The following CAMSAP1 variants were observed in gnomAD, a reference collection of about 807,000 sequenced individuals.
CAMSAP1 encodes the protein calmodulin-regulated spectrin-associated protein 1.
In CAMSAP1, 58 loss-of-function variants were observed where a neutral mutation model predicts 143.5. The ratio of observed to expected loss-of-function variants is 0.40; its 90% CI spans 0.33 to 0.50. The LOEUF (loss-of-function observed/expected upper bound fraction) is 0.50. Among genes scored for constraint, CAMSAP1 ranks in the 20% least tolerant of loss-of-function variants. The pLI, the probability that CAMSAP1 is intolerant of heterozygous loss-of-function variation, is 0.45. For missense variants in CAMSAP1, 1,969 were observed against 2,115.7 expected, an observed-to-expected ratio of 0.93 and a Z score of 1.36; for synonymous variants, 945 against 859.3, an observed-to-expected ratio of 1.10 and a Z score of -1.74.
Position 135,830,080 on chromosome 9 carries a change from AAAG to A in CAMSAP1, c.1046-2499_1046-2497del, listed in dbSNP as rs368591921. Among the ~76,000 whole-genome samples the A allele has an allele frequency of 2.2e-4, 33 of 152,260 alleles. No homozygotes were observed. In the Middle Eastern group the frequency reaches 0.01, roughly 47 times the overall value. On this transcript the variant is annotated intron_variant, in intron 7 of 16. Transcript: ENST00000389532. ...ACTACTGAAGTTACACAAAAGAAAA[AAAG>A]AAGGGAAAGCAAAAACCATTAACAC...
intron 11 of CAMSAP1, among the ~76,000 whole-genome samples, chr9:135,819,394 G>T (rs1025144730): frequency 6.6e-6 from 1 of 152,148 alleles, no homozygotes. Flanking sequence ...AAAAGTACAC[G>T]TATATTTCCA....
At position 135,820,878 on chromosome 9, in the gene CAMSAP1, G is replaced by A. The variant is rs142330243; in HGVS notation, c.3783C>T (p.Ser1261=). 2.0e-5 allele frequency: 33 copies of A among 1,613,532 alleles called. No homozygotes were observed. Among genetic ancestry groups the A allele is most frequent in the East Asian group, 1.8e-4 (8 of 44,886 alleles). ...CGACCCCCGGCTTCTGGTCGCCTTCGCTGACAAGGTCCGCCGAGCCATCGA... is the reference window on the plus strand; with the variant it reads ...CGACCCCCGGCTTCTGGTCGCCTTCACTGACAAGGTCCGCCGAGCCATCGA... ...VSLDGSADLV[S]EGDQKPGVGF... is the part of the protein sequence containing the mutation. The change falls in exon 11 of 17, where the codon AGC becomes AGT. Residue 1261 remains serine (S), a synonymous_variant. Transcript: ENST00000389532. This position sits in a 1 kb window ranked among gnomAD's most constrained non-coding sequence, Gnocchi z 4.4.
At chr9:135,815,862 G>A (rs758518511) in intron 15 of CAMSAP1, 28 bp downstream of exon 15, 30 of 1,582,224 alleles carry the variant, frequency 1.9e-5, no homozygotes, top group East Asian at 4.5e-5. Context: ...TGCCCACGAT[G>A]ACCTCTAAGG....
chr9:135,888,298 T>C (rs183799203), intron 1 of CAMSAP1, among the ~76,000 whole-genome samples: 1 of 152,306 alleles, frequency 6.6e-6, no homozygotes, highest in Admixed American at 6.5e-5. Context: ...AAAAGGCAGG[T>C]CAGGAAGTGG....
At chr9:135,851,774 A>G (rs1433260144) in intron 5 of CAMSAP1, among the ~76,000 whole-genome samples, 3 of 152,252 alleles carry the variant, frequency 2.0e-5, no homozygotes, top group Non-Finnish European at 4.4e-5. Flanking sequence ...TCCGTCACTC[A>G]TCTTGACCGC....
At chr9:135,892,848 CAAA>C (rs59978082) in intron 1 of CAMSAP1, among the ~76,000 whole-genome samples, 8 of 42,072 alleles carry the variant, frequency 1.9e-4, no homozygotes, top group East Asian at 4.7e-4. Flanking sequence ...AAGACTGTCT[CAAA>C]AAAAAAAAAA....
At chr9:135,835,312 C>T (rs542290049) in intron 7 of CAMSAP1, among the ~76,000 whole-genome samples, 2 of 152,264 alleles carry the variant, frequency 1.3e-5, no homozygotes, top group South Asian at 2.1e-4. Flanking sequence ...CAGGCAGCCC[C>T]GTGGTCGCCC....
At chr9:135,819,334 C>T (rs1160618831) in intron 11 of CAMSAP1, among the ~76,000 whole-genome samples, 188 bp from the exon 12 acceptor site, 1 of 152,236 alleles carries the variant, frequency 6.6e-6, no homozygotes. Flanking sequence ...TTCAAAGGCG[C>T]TCGGCATCAC....
At chr9:135,903,006 C>T (rs889467300) in intron 1 of CAMSAP1, among the ~76,000 whole-genome samples, 4 of 152,190 alleles carry the variant, frequency 2.6e-5, no homozygotes, top group African/African-American at 9.7e-5. Flanking sequence ...CTAGTACTTG[C>T]CCTGGGTTGT....
At chr9:135,815,309 G>A in intron 15 of CAMSAP1, 94 bp from the exon 16 acceptor site, 1 of 636,346 alleles carries the variant, frequency 1.6e-6, no homozygotes. Flanking sequence ...GCAAGCAATG[G>A]GTAGGCTGAA....
chr9:135,887,213 G>A (rs1013479088), intron 1 of CAMSAP1, among the ~76,000 whole-genome samples: 2 of 152,316 alleles, frequency 1.3e-5, no homozygotes, highest in East Asian at 1.9e-4. Flanking sequence ...CCAAAGAAAC[G>A]GACAAGTGAA....
Position 135,822,351 on chromosome 9 carries a change from C to G in CAMSAP1, c.2310G>C (p.Ser770=). ...CCTTCATGTCCTCCTGCAGTTTGGC[C>G]GACTCTTCCTCCCCAATGTATCTGC... ...VFSRYIGEEE[S]AKLQEDMKVK... The change falls in exon 11 of 17, where the codon TCG becomes TCC. Residue 770 remains serine (S), a synonymous_variant. Coordinates refer to ENST00000389532, the MANE Select transcript of CAMSAP1 (RefSeq NM_015447.4). The surrounding 1 kb of genome is among the most constrained non-coding windows in gnomAD (Gnocchi z 6.1). The G allele has an allele frequency of 6.2e-7, 1 of 1,613,962 alleles. No homozygotes were observed. The highest frequency in any genetic ancestry group is 8.5e-7 in the Non-Finnish European group (1 of 1,179,890).
Position 135,809,432 on chromosome 9 carries a change from A to G in CAMSAP1, c.*1877T>C, listed in dbSNP as rs1834961376. 1 of 152,180 alleles carries G rather than the reference A, an allele frequency of 6.6e-6. No individual in the cohort carries two copies. The highest frequency in any genetic ancestry group is 1.5e-5 in the Non-Finnish European group (1 of 68,046). 9.4% of individuals were successfully genotyped at this position (152,180 alleles called of 1,614,324 possible). ...GCAATTTTCCAGCTCTATGCCAGATATTTTCTAGCTCTTCATTAAAAAGAA... is the reference window on the plus strand; with the variant it reads ...GCAATTTTCCAGCTCTATGCCAGATGTTTTCTAGCTCTTCATTAAAAAGAA... On this transcript the variant is annotated 3_prime_UTR_variant, in exon 17 of 17. Transcript: ENST00000389532.
chr9:135,845,851 TC>T (rs1384294672), intron 7 of CAMSAP1, among the ~76,000 whole-genome samples: 1 of 152,050 alleles, frequency 6.6e-6, no homozygotes, highest in African/African-American at 2.4e-5. Context: ...AAACCACTGC[TC>T]AAAGAAATAA....
chr9:135,878,711 G>A (rs967245511), intron 3 of CAMSAP1, among the ~76,000 whole-genome samples: 18 of 152,128 alleles, frequency 1.2e-4, no homozygotes, highest in Admixed American at 5.2e-4. Flanking sequence ...GAGTTTGCTC[G>A]GGGAACTCGC....
Position 135,902,967 on chromosome 9 carries a change from C to G in CAMSAP1, c.160+4033G>C, listed in dbSNP as rs141128659. ...CCTGGTTTCCACTGAGCTACACCGCCGACATCCTTGCAAAGAATTGAGTGC... is the reference window on the plus strand; with the variant it reads ...CCTGGTTTCCACTGAGCTACACCGCGGACATCCTTGCAAAGAATTGAGTGC... On this transcript the variant is annotated intron_variant, in intron 1 of 16. Transcript: ENST00000389532. Among the ~76,000 whole-genome samples the G allele has an allele frequency of 2.5e-3, 381 of 152,286 alleles. 3 individuals carry two copies. The highest frequency in any genetic ancestry group is 0.024 in the Middle Eastern group (7 of 294).
rs572103708 is a variant in CAMSAP1 at position 135,859,397 on chromosome 9, G to T, written c.808+3070C>A. ...TTTCTCCTTGTAACTCTGCCATTTTGTTTGTTTGTTTGTTTGAGACAGTCT... is the reference window on the plus strand; with the variant it reads ...TTTCTCCTTGTAACTCTGCCATTTTTTTTGTTTGTTTGTTTGAGACAGTCT... On this transcript the variant is annotated intron_variant, in intron 5 of 16. Coordinates refer to ENST00000389532, the MANE Select transcript of CAMSAP1 (RefSeq NM_015447.4). Among the ~76,000 whole-genome samples, 3 of 151,914 alleles carry T rather than the reference G, an allele frequency of 2.0e-5. No homozygotes were observed. The East Asian group carries it at 5.8e-4, about 29-fold the overall frequency.
intron 3 of CAMSAP1, among the ~76,000 whole-genome samples, chr9:135,877,031 T>C (rs977350450): frequency 2.6e-5 from 4 of 151,878 alleles, no homozygotes; most frequent in African/African-American, 7.3e-5. Context: ...AATAAAAATA[T>C]ATCTGCACAC....
intron 16 of CAMSAP1, among the ~76,000 whole-genome samples, chr9:135,813,238 T>C (rs149203203): frequency 1.2e-3 from 183 of 152,226 alleles, no homozygotes; most frequent in Middle Eastern, 3.4e-3. Context: ...GGCAGAACCT[T>C]CCCAAGGCCC....
Sources: allele counts gnomAD v4.1 joint callset (sites outside exome capture counted in the v4.1 genomes callset), GRCh38; gene constraint gnomAD v4.1.1; non-coding constraint Gnocchi (gnomAD v3.1); transcripts MANE v1.5; gene names NCBI Gene and HGNC (gene_info 2026-07-23, HGNC 2026-07-21).